The following GDF1 variants were observed in gnomAD, a reference collection of about 807,000 sequenced individuals.
GDF1 encodes embryonic growth/differentiation factor 1.
Under a neutral mutation model 7.4 loss-of-function variants are expected in GDF1, and 8 were observed. That is an observed-to-expected ratio of 1.09 (90% CI 0.64 to 1.96). The LOEUF (loss-of-function observed/expected upper bound fraction) is 1.96. GDF1 is among the 30% of genes most tolerant of loss of function. The pLI, the probability that GDF1 is intolerant of heterozygous loss-of-function variation, is 0.00. For missense variants in GDF1, 574 were observed against 551.5 expected (o/e 1.04, Z -0.41); for synonymous variants, 311 against 276.7 (o/e 1.12, Z -1.23).
intron 6 of GDF1, among the ~76,000 whole-genome samples, chr19:18,875,459 C>T (rs2056043891): frequency 6.6e-6 from 1 of 151,606 alleles, no homozygotes; most frequent in Non-Finnish European, 1.5e-5. Flanking sequence ...AGGAGAATTA[C>T]TTGAACCTGG....
Position 18,895,829 on chromosome 19 carries a change from A to C in GDF1, c.-1079T>G. On this transcript the variant is annotated 5_prime_UTR_variant, in exon 1 of 8. Transcript: ENST00000247005. The surrounding 1 kb of genome is among the most constrained non-coding windows in gnomAD (Gnocchi z 6.4). ...CGGCCCCCGGCCACACTGACCCGAA[A>C]GAGGCGCGCAGTGGCCGCGGAGCGC... The C allele has an allele frequency of 1.6e-6, 2 of 1,281,334 alleles. No individual in the cohort carries two copies. The highest frequency in any genetic ancestry group is 2.0e-6 in the Non-Finnish European group (2 of 1,012,344). 79.4% of individuals were successfully genotyped at this position (1,281,334 alleles called of 1,614,324 possible). A position where few individuals can be genotyped will look rare whatever the true frequency, so the allele number is the denominator to read the frequency against.
rs537524649 is a variant in GDF1 at position 18,868,697 on chromosome 19, G to C, written c.1019C>G (p.Ala340Gly). The stretch of plus-strand genomic sequence containing the variant: ...GAGCACGGAGATGGGCGACAGGCGC[G>C]CGGGCACGCAGCAGGGCAGGTCGGC... ...GAADLPCCVP[A>G]RLSPISVLFF... Residue 340 changes from alanine to glycine, a missense_variant, in exon 8 of 8, where the codon GCG becomes GGG. Ala to Gly is a moderately conservative substitution (Grantham distance 60, BLOSUM62 0). Transcript: ENST00000247005. 1.6e-5 allele frequency: 25 copies of C among 1,557,572 alleles called. No homozygotes were observed. The highest frequency in any genetic ancestry group is 1.3e-4 in the Admixed American group (7 of 52,324).
In GDF1 at chr19:18,878,885, G is replaced by T; in HGVS notation, c.-313+45C>A. 6.2e-7 allele frequency: 1 copy of T among 1,602,964 alleles called. No homozygotes were observed. The highest frequency in any genetic ancestry group is 1.1e-5 in the South Asian group (1 of 89,776). ...TGCCCACGAACACGCTTGGACGGGTGACACTAAAGGAGGGAACGCGGGGTG... is the reference window on the plus strand; with the variant it reads ...TGCCCACGAACACGCTTGGACGGGTTACACTAAAGGAGGGAACGCGGGGTG... On this transcript the variant is annotated intron_variant, in intron 6 of 7. Coordinates refer to ENST00000247005, the MANE Select transcript of GDF1 (RefSeq NM_001492.6). The surrounding 1 kb of genome is among the most constrained non-coding windows in gnomAD (Gnocchi z 4.6).
intron 2 of GDF1, among the ~76,000 whole-genome samples, chr19:18,890,611 C>G (rs952890125): frequency 2.6e-5 from 4 of 151,050 alleles, no homozygotes; most frequent in Non-Finnish European, 5.9e-5. Context: ...GACCCCATCT[C>G]TACCAAAAAA....
intron 6 of GDF1, among the ~76,000 whole-genome samples, chr19:18,876,014 T>C (rs2056054352): frequency 6.6e-6 from 1 of 152,240 alleles, no homozygotes; most frequent in Non-Finnish European, 1.5e-5. Context: ...TGTGTTCCTT[T>C]TGTTATAGAG....
intron 6 of GDF1, among the ~76,000 whole-genome samples, chr19:18,876,845 A>G (rs1357846681): frequency 1.3e-5 from 2 of 152,122 alleles, no homozygotes; most frequent in African/African-American, 4.8e-5. Flanking sequence ...TTTGCTATTA[A>G]CTAAACTCTC....
intron 3 of GDF1, among the ~76,000 whole-genome samples, chr19:18,880,821 C>G (rs113954439): frequency 2.6e-5 from 4 of 152,002 alleles, no homozygotes; most frequent in Non-Finnish European, 5.9e-5. Flanking sequence ...CCTCAGCCCC[C>G]GGAGAAGCTG....
chr19:18,876,049 C>A (rs150526080), intron 6 of GDF1, among the ~76,000 whole-genome samples: 1 of 152,226 alleles, frequency 6.6e-6, no homozygotes, highest in Non-Finnish European at 1.5e-5. Flanking sequence ...ACATTCAATG[C>A]CTTTTTTTCA....
Position 18,870,263 on chromosome 19 carries a change from G to A in GDF1, c.45C>T (p.Leu15=). 1 of 1,551,270 alleles carries A rather than the reference G, an allele frequency of 6.4e-7. No individual in the cohort carries two copies. Among genetic ancestry groups the A allele is most frequent in the Non-Finnish European group, 8.7e-7 (1 of 1,150,374 alleles). The change falls in exon 7 of 8, where the codon CTC becomes CTT. Residue 15 remains leucine (L), a synonymous_variant. Transcript: ENST00000247005. The surrounding 1 kb of genome is among the most constrained non-coding windows in gnomAD (Gnocchi z 5.1). ...GCGAGGGCAGCAGCAGGGCCAGGAG[G>A]AGGAGGAGGTGGTGGCCGCAGGGAC... The part of the protein sequence containing the change: ...QQGPCGHHLL[L]LLALLLPSLP...
In GDF1 at chr19:18,880,285, G is replaced by A. The variant is rs566462746; in HGVS notation, c.-582C>T. The A allele has an allele frequency of 2.9e-5, 45 of 1,550,546 alleles. No homozygotes were observed. In the East Asian group the frequency reaches 6.3e-4, roughly 22 times the overall value. ...TCCCTACCACTCACCAGCTGAAGCC[G>A]AAGCTGAGGCAGCCCAAGTCTGCTG... On this transcript the variant is annotated 5_prime_UTR_variant, in exon 4 of 8. Transcript: ENST00000247005.
In GDF1 at chr19:18,878,431, T is replaced by C; in HGVS notation, c.-313+499A>G. 2.0e-6 allele frequency: 2 copies of C among 990,074 alleles called. No homozygotes were observed. The highest frequency in any genetic ancestry group is 2.4e-6 in the Non-Finnish European group (2 of 832,600). 61.3% of individuals were successfully genotyped at this position (990,074 alleles called of 1,614,324 possible). A position where few individuals can be genotyped will look rare whatever the true frequency, so the allele number is the denominator to read the frequency against. Reference sequence around the variant, plus strand: ...AGTCTGAGCTCCCAGCCCCAGCTCCTGTTTGGCCGGGCAGTGGGCTCCCCT... The same window carrying C: ...AGTCTGAGCTCCCAGCCCCAGCTCCCGTTTGGCCGGGCAGTGGGCTCCCCT... On this transcript the variant is annotated intron_variant, in intron 6 of 7. Coordinates refer to ENST00000247005, the MANE Select transcript of GDF1 (RefSeq NM_001492.6). This position sits in a 1 kb window ranked among gnomAD's most constrained non-coding sequence, Gnocchi z 4.6.
Position 18,878,632 on chromosome 19 carries a change from GCCACTC to G in GDF1, c.-313+292_-313+297del. ...CTCACCACCCACAGGGCCCTGGCTC[GCCACTC>G]CCGCCACACCAGCCACTAGGCCTGG... is the stretch of plus-strand genomic sequence containing the variant. On this transcript the variant is annotated intron_variant, in intron 6 of 7. Transcript: ENST00000247005. The surrounding 1 kb of genome is among the most constrained non-coding windows in gnomAD (Gnocchi z 4.6). 8.3e-7 allele frequency: 1 copy of G among 1,206,320 alleles called. No homozygotes were observed. Among genetic ancestry groups the G allele is most frequent in the Non-Finnish European group, 1.0e-6 (1 of 961,012 alleles). The allele number at this position is 1,206,320 out of a possible 1,614,324, so 74.7% of individuals were successfully genotyped here.
chr19:18,894,756 G>C (rs2056584373), intron 1 of GDF1, among the ~76,000 whole-genome samples: 1 of 152,148 alleles, frequency 6.6e-6, no homozygotes, highest in Non-Finnish European at 1.5e-5. Flanking sequence ...GGGTGATATG[G>C]GGACGGGAGT....
intron 2 of GDF1, among the ~76,000 whole-genome samples, chr19:18,892,107 G>A (rs992114315): frequency 6.6e-6 from 1 of 151,240 alleles, no homozygotes; most frequent in African/African-American, 2.4e-5. Context: ...CATGTTGGCC[G>A]TGCTAGTCTT....
Position 18,878,656 on chromosome 19 carries a change from A to G in GDF1, c.-313+274T>C. 7.9e-7 allele frequency: 1 copy of G among 1,258,834 alleles called. No individual in the cohort carries two copies. The highest frequency in any genetic ancestry group is 3.6e-5 in the Admixed American group (1 of 27,698). 78.0% of individuals were successfully genotyped at this position (1,258,834 alleles called of 1,614,324 possible). A position where few individuals can be genotyped will look rare whatever the true frequency, so the allele number is the denominator to read the frequency against. ...CGCCACTCCCGCCACACCAGCCACT[A>G]GGCCTGGCCCTCAGTGTCCCTACCG... On this transcript the variant is annotated intron_variant, in intron 6 of 7. Coordinates refer to ENST00000247005, the MANE Select transcript of GDF1 (RefSeq NM_001492.6). This position sits in a 1 kb window ranked among gnomAD's most constrained non-coding sequence, Gnocchi z 4.6.
At chr19:18,880,184 T>C (rs1601164981) in intron 4 of GDF1, 90 bp downstream of exon 4, 11 of 1,235,002 alleles carry the variant, frequency 8.9e-6, no homozygotes, top group Admixed American at 2.8e-5. Flanking sequence ...GGGCCCCGCC[T>C]CCTTCCCTGC....
intron 6 of GDF1, among the ~76,000 whole-genome samples, chr19:18,876,738 T>C (rs1162068952): frequency 1.3e-5 from 2 of 152,068 alleles, no homozygotes; most frequent in Non-Finnish European, 2.9e-5. Flanking sequence ...ACAAAGGGAG[T>C]AGAGGGAGCT....
intron 6 of GDF1, among the ~76,000 whole-genome samples, chr19:18,874,788 C>T (rs1186642502): frequency 3.9e-5 from 6 of 152,108 alleles, no homozygotes; most frequent in Non-Finnish European, 2.9e-5. Context: ...GATGAGGGGA[C>T]CCTGGAGGTG....
intron 2 of GDF1, among the ~76,000 whole-genome samples, chr19:18,892,928 CTTTTT>C (rs2056528731): frequency 2.0e-5 from 3 of 151,776 alleles, no homozygotes; most frequent in African/African-American, 7.3e-5. Context: ...TTTTTCTTTT[CTTTTT>C]TAATACAGAG....
Sources: gnomAD v4.1 joint callset for allele counts (sites outside exome capture counted in the v4.1 genomes callset) on GRCh38, gnomAD v4.1.1 for gene constraint, Gnocchi (gnomAD v3.1) non-coding constraint, MANE v1.5 for transcripts, NCBI Gene and HGNC (gene_info 2026-07-23, HGNC 2026-07-21) for gene names.